The following HTRA3 variants were observed in gnomAD, a reference collection of about 807,000 sequenced individuals.
HTRA3 encodes the protein serine protease HTRA3.
In HTRA3, 41 loss-of-function variants were observed where a neutral mutation model predicts 43.2. That is an observed-to-expected ratio of 0.95 (90% CI 0.74 to 1.23). The LOEUF (loss-of-function observed/expected upper bound fraction) is 1.23. HTRA3 is among the 50% of genes most tolerant of loss of function. HTRA3 has a pLI of 0.00. For missense variants in HTRA3, 628 were observed against 647.1 expected (o/e 0.97, Z 0.32); for synonymous variants, 295 against 287.9 (o/e 1.02, Z -0.25).
At chr4:8,270,397 T>C in intron 1 of HTRA3, 44 bp downstream of exon 1, 1 of 1,367,502 alleles carries the variant, frequency 7.3e-7, no homozygotes. Flanking sequence ...TTCTTTCTCT[T>C]GGGGAAACTA....
At chr4:8,282,668 C>T (rs1712802077) in intron 2 of HTRA3, 132 bp downstream of exon 2, 1 of 695,130 alleles carries the variant, frequency 1.4e-6, no homozygotes, top group Admixed American at 2.2e-5. Flanking sequence ...GTCAGGCTGA[C>T]CTCAGTCACA....
chr4:8,277,793 G>C (rs1712587201), intron 1 of HTRA3, among the ~76,000 whole-genome samples: 1 of 152,238 alleles, frequency 6.6e-6, no homozygotes, highest in Admixed American at 6.5e-5. Context: ...GTTATGGACA[G>C]ATGGGCACAG....
At chr4:8,294,286 G>C (rs1430848058) in intron 6 of HTRA3, 85 bp downstream of exon 6, 1 of 983,142 alleles carries the variant, frequency 1.0e-6, no homozygotes, top group African/African-American at 1.6e-5. Flanking sequence ...CTGGGACCAA[G>C]GCCCACCGGA....
rs1254971568 is a variant in HTRA3 at position 8,297,781 on chromosome 4, C to T, written c.1051+3580C>T. 2.0e-5 allele frequency among the ~76,000 whole-genome samples: 3 copies of T among 152,236 alleles called. No homozygotes were observed. The highest frequency in any genetic ancestry group is 2.1e-4 in the South Asian group (1 of 4,824). On this transcript the variant is annotated intron_variant, in intron 6 of 8. Coordinates refer to ENST00000307358, the MANE Select transcript of HTRA3 (RefSeq NM_053044.5). The surrounding 1 kb of genome is among the most constrained non-coding windows in gnomAD (Gnocchi z 5.8). The stretch of plus-strand genomic sequence containing the variant: ...CCTAGAGAGTGATCCCCCGGATTTA[C>T]GCCTCCAGCCTGGCCCCTCCTGCTC...
intron 6 of HTRA3, among the ~76,000 whole-genome samples, chr4:8,298,516 T>A (rs570777515): frequency 1.9e-5 from 2 of 105,316 alleles, no homozygotes; most frequent in African/African-American, 6.4e-5. Flanking sequence ...TTTGATGAAG[T>A]CTGTTTTTTT....
At chr4:8,280,170 G>A (rs1013223604) in intron 1 of HTRA3, among the ~76,000 whole-genome samples, 2 of 152,264 alleles carry the variant, frequency 1.3e-5, no homozygotes, top group Non-Finnish European at 1.5e-5. Flanking sequence ...AAGGCCACAC[G>A]GTAGGAGAGG....
chr4:8,288,695 C>T (rs1160533157), intron 3 of HTRA3, among the ~76,000 whole-genome samples: 1 of 151,570 alleles, frequency 6.6e-6, no homozygotes. Context: ...GTCTCAGTCT[C>T]CCAAGTAGCT....
intron 3 of HTRA3, among the ~76,000 whole-genome samples, chr4:8,287,370 G>A (rs1713033369): frequency 6.6e-6 from 1 of 152,228 alleles, no homozygotes; most frequent in Non-Finnish European, 1.5e-5. Flanking sequence ...GCCTGTATGA[G>A]TCTGTTTTCA....
Position 8,270,310 on chromosome 4 carries a change from C to T in HTRA3, c.342C>T (p.Ser114=), listed in dbSNP as rs1464417365. The T allele has an allele frequency of 7.5e-6, 11 of 1,466,830 alleles. No individual in the cohort carries two copies. Among genetic ancestry groups the T allele is most frequent in the Middle Eastern group, 2.4e-4 (1 of 4,156 alleles). 90.9% of individuals were successfully genotyped at this position (1,466,830 alleles called of 1,614,324 possible). Residue 114 remains serine (S), a synonymous_variant, in exon 1 of 9, where the codon TCC becomes TCT. Transcript: ENST00000307358. The part of the protein sequence containing the change: ...QAASRRALQL[S]GTPVRQLQKG... ...CCAGCCGCCGCGCGCTGCAGCTCTC[C>T]GGGACGCCCGTGCGCCAGCTGCAGA...
At chr4:8,291,307 C>T (rs532276669) in intron 3 of HTRA3, 63 bp from the exon 4 acceptor site, 71 of 1,427,416 alleles carry the variant, frequency 5.0e-5, no homozygotes, top group East Asian at 1.4e-4. Flanking sequence ...GATCTGACTC[C>T]GGTCCCCGCT....
chr4:8,272,312 C>T (rs1712313037), intron 1 of HTRA3, among the ~76,000 whole-genome samples: 2 of 152,284 alleles, frequency 1.3e-5, no homozygotes, highest in African/African-American at 2.4e-5. Flanking sequence ...CCTCACAGAC[C>T]ATCGAGGGGA....
chr4:8,304,136 G>C (rs752226165), intron 7 of HTRA3, 48 bp from the exon 8 acceptor site: 1 of 1,519,262 alleles, frequency 6.6e-7, no homozygotes, highest in Non-Finnish European at 9.1e-7. Flanking sequence ...ATACCAAAGA[G>C]CTGGGCAAAG....
intron 7 of HTRA3, 77 bp from the exon 8 acceptor site, chr4:8,304,103 TGGAG>T (rs1209858871): frequency 5.0e-5 from 57 of 1,135,418 alleles, no homozygotes; most frequent in Non-Finnish European, 6.4e-5. Flanking sequence ...GGTCTGGTGC[TGGAG>T]GGAGGGAGGG....
intron 5 of HTRA3, among the ~76,000 whole-genome samples, chr4:8,293,146 A>G (rs1442113878): frequency 2.0e-5 from 3 of 152,222 alleles, no homozygotes; most frequent in African/African-American, 7.2e-5. Flanking sequence ...CTGCTGCCTC[A>G]GGCCTCGTGT....
chr4:8,277,199 C>T (rs55858728), intron 1 of HTRA3, among the ~76,000 whole-genome samples: 46,824 of 152,052 alleles, frequency 0.31, 8,395 homozygotes, highest in Non-Finnish European at 0.4. Flanking sequence ...GGACATGGCT[C>T]GGTGGGGCAA....
At chr4:8,300,420 T>C (rs1713595186) in intron 6 of HTRA3, among the ~76,000 whole-genome samples, 1 of 152,244 alleles carries the variant, frequency 6.6e-6, no homozygotes, top group African/African-American at 2.4e-5. Flanking sequence ...TTAATAGATG[T>C]AGTGCTATTT....
In HTRA3 at chr4:8,294,098, C is replaced by A. The variant is rs1337494996; in HGVS notation, c.948C>A (p.Val316=). Residue 316 remains valine (V), a synonymous_variant, in exon 6 of 9, where the codon GTC becomes GTA. Transcript: ENST00000307358. ...GGPLVNLDGE[V]IGINTLKVTA... is the part of the protein sequence containing the mutation. ...ACCTCCCTGCCCAGGATGGCGAGGT[C>A]ATTGGCATCAACACGCTCAAGGTCA... The A allele has an allele frequency of 6.2e-7, 1 of 1,610,118 alleles. No homozygotes were observed.
chr4:8,293,181 C>T (rs1017648171), intron 5 of HTRA3, among the ~76,000 whole-genome samples: 1 of 152,192 alleles, frequency 6.6e-6, no homozygotes, highest in African/African-American at 2.4e-5. Context: ...ACCCTATGTG[C>T]CCAAGATGTC....
Position 8,292,347 on chromosome 4 carries a change from G to A in HTRA3, c.930G>A (p.Val310=). Residue 310 remains valine (V), a synonymous_variant, in exon 5 of 9, where the codon GTG becomes GTA. Coordinates refer to ENST00000307358, the MANE Select transcript of HTRA3 (RefSeq NM_053044.5). The part of the protein sequence containing the change: ...INYGNSGGPL[V]NLDGEVIGIN... ...ACGGGAACTCCGGGGGACCACTGGT[G>A]AACCTGGTAAGTGTCCCCTAGAGCC... The A allele has an allele frequency of 6.2e-7, 1 of 1,613,204 alleles. No homozygotes were observed. The highest frequency in any genetic ancestry group is 1.1e-5 in the South Asian group (1 of 90,910).
Sources: allele counts gnomAD v4.1 joint callset (sites outside exome capture counted in the v4.1 genomes callset), GRCh38; gene constraint gnomAD v4.1.1; non-coding constraint Gnocchi (gnomAD v3.1); transcripts MANE v1.5; gene names NCBI Gene and HGNC (gene_info 2026-07-23, HGNC 2026-07-21).